The following ANP32B variants were observed in gnomAD, a reference collection of about 807,000 sequenced individuals.
ANP32B encodes acidic nuclear phosphoprotein 32 family member B, also known as acidic leucine-rich nuclear phosphoprotein 32 family member B.
Under a neutral mutation model 32.2 loss-of-function variants are expected in ANP32B, and 6 were observed. The ratio of observed to expected loss-of-function variants is 0.19; its 90% CI spans 0.10 to 0.37. ANP32B has a LOEUF of 0.37. ANP32B is among the 10% of genes least tolerant of loss of function. The probability of loss-of-function intolerance (pLI) is 1.00; values close to 1 mark genes in which losing one functional copy is unlikely to be tolerated. For synonymous variants in ANP32B, 98 were observed against 105.8 expected, an observed-to-expected ratio of 0.93 and a Z score of 0.45; for missense variants, 204 against 289.2, an observed-to-expected ratio of 0.71 and a Z score of 2.14.
chr9:98,013,768 A>G (rs1828228628), intron 6 of ANP32B, among the ~76,000 whole-genome samples: 1 of 152,046 alleles, frequency 6.6e-6, no homozygotes, highest in African/African-American at 2.4e-5. Flanking sequence ...GCGTGGTGGC[A>G]CGCACTCAAA....
At chr9:97,988,291 T>C (rs560188457) in intron 1 of ANP32B, among the ~76,000 whole-genome samples, 10 of 152,358 alleles carry the variant, frequency 6.6e-5, no homozygotes, top group African/African-American at 7.2e-5. Flanking sequence ...GAGCATCTTA[T>C]AATGTGATTT....
intron 1 of ANP32B, among the ~76,000 whole-genome samples, chr9:97,992,779 C>T (rs894765592): frequency 2.6e-5 from 4 of 152,088 alleles, no homozygotes; most frequent in Admixed American, 6.6e-5. Context: ...AAACTTAGTA[C>T]AGATATAAGT....
intron 1 of ANP32B, among the ~76,000 whole-genome samples, chr9:97,990,710 C>A (rs754731125): frequency 1.2e-4 from 18 of 152,020 alleles, no homozygotes; most frequent in Admixed American, 5.9e-4. Context: ...TCACCTACAT[C>A]TGTGTCCATC....
chr9:97,995,507 A>C (rs942412266), intron 2 of ANP32B, among the ~76,000 whole-genome samples: 3 of 152,198 alleles, frequency 2.0e-5, no homozygotes, highest in African/African-American at 7.2e-5. Context: ...AAACTAATCA[A>C]ACTTGGGCAA....
At chr9:97,986,208 G>A (rs1827731248) in intron 1 of ANP32B, among the ~76,000 whole-genome samples, 1 of 152,228 alleles carries the variant, frequency 6.6e-6, no homozygotes, top group South Asian at 2.1e-4. Context: ...CATTTTCTCT[G>A]TAATACTATC....
chr9:97,998,484 T>G, intron 2 of ANP32B, 72 bp from the exon 3 acceptor site: 1 of 1,482,384 alleles, frequency 6.7e-7, no homozygotes. Context: ...TATTTGTTAC[T>G]TACAATACCT....
At position 97,983,610 on chromosome 9, in the gene ANP32B, GTA is replaced by G; in HGVS notation, c.54+2_54+3del. 6.3e-7 allele frequency: 1 copy of G among 1,575,198 alleles called. No individual in the cohort carries two copies. Among genetic ancestry groups the G allele is most frequent in the Non-Finnish European group, 8.6e-7 (1 of 1,161,678 alleles). ...GCTGAGGAACCGGACCCCGGCAGCT[GTA>G]AGCAGAGACCCCTCTGGGTGCCCTC... On this transcript the variant is annotated splice_donor_variant and splice_donor_region_variant and intron_variant, in intron 1 of 6. Coordinates refer to ENST00000339399, the MANE Select transcript of ANP32B (RefSeq NM_006401.3). LOFTEE classifies it high-confidence loss of function.
At chr9:97,990,282 G>C (rs1173810938) in intron 1 of ANP32B, among the ~76,000 whole-genome samples, 1 of 152,166 alleles carries the variant, frequency 6.6e-6, no homozygotes, top group African/African-American at 2.4e-5. Context: ...CACCTCAAAT[G>C]CCACTTTTCT....
At chr9:97,991,772 TA>T (rs1827828728) in intron 1 of ANP32B, among the ~76,000 whole-genome samples, 2 of 152,238 alleles carry the variant, frequency 1.3e-5, no homozygotes, top group South Asian at 4.1e-4. Context: ...ACATTTTAAG[TA>T]AAGATATGGC....
chr9:98,001,801 C>T (rs951353228), intron 3 of ANP32B, among the ~76,000 whole-genome samples: 2 of 152,134 alleles, frequency 1.3e-5, no homozygotes, highest in South Asian at 4.2e-4. Context: ...AGAGGATCTG[C>T]TATACCCATA....
Position 98,012,487 on chromosome 9 carries a change from T to C in ANP32B, c.688+15T>C. The C allele has an allele frequency of 6.2e-7, 1 of 1,609,966 alleles. No homozygotes were observed. Among genetic ancestry groups the C allele is most frequent in the Non-Finnish European group, 8.5e-7 (1 of 1,179,208 alleles). ...TGAGGATGAAGGTGGGCCTAATGCA[T>C]GCATTTTGATCATTCTCAGTTAAAA... On this transcript the variant is annotated intron_variant, in intron 6 of 6. Transcript: ENST00000339399.
At chr9:97,985,610 A>G (rs568066822) in intron 1 of ANP32B, among the ~76,000 whole-genome samples, 1 of 152,322 alleles carries the variant, frequency 6.6e-6, no homozygotes, top group Non-Finnish European at 1.5e-5. Context: ...CCGCAAGAGA[A>G]GTACACACGT....
In ANP32B at chr9:98,015,776, C is replaced by T. The variant is rs1448776696; in HGVS notation, c.*345C>T. On this transcript the variant is annotated 3_prime_UTR_variant, in exon 7 of 7. Transcript: ENST00000339399. ...TGTAACAGCATTTTTACTTTCTGTA[C>T]AACAAAAAAGCTTTGTAAATAAAAT... 8.0e-6 allele frequency: 8 copies of T among 993,972 alleles called. No homozygotes were observed. Among genetic ancestry groups the T allele is most frequent in the Non-Finnish European group, 3.6e-6 (3 of 835,376 alleles). The allele number at this position is 993,972 out of a possible 1,614,324, so 61.6% of individuals were successfully genotyped here.
intron 3 of ANP32B, chr9:98,002,135 A>G (rs887151880): frequency 2.0e-5 from 3 of 152,208 alleles, no homozygotes; most frequent in Non-Finnish European, 4.4e-5. Context: ...AGTTGGGTCC[A>G]TTTTGACTTC....
chr9:97,999,762 G>A (rs964915381), intron 3 of ANP32B, among the ~76,000 whole-genome samples: 1 of 152,196 alleles, frequency 6.6e-6, no homozygotes, highest in Non-Finnish European at 1.5e-5. Context: ...GTAAGTTGTA[G>A]TGGCCAGAAA....
intron 6 of ANP32B, among the ~76,000 whole-genome samples, chr9:98,013,707 T>G (rs1020843157): frequency 1.8e-4 from 28 of 152,074 alleles, no homozygotes; most frequent in African/African-American, 6.5e-4. Flanking sequence ...GAGAGCAGCC[T>G]GGCCAACATG....
chr9:98,007,582 C>T (rs868864104), intron 4 of ANP32B, among the ~76,000 whole-genome samples: 7 of 152,160 alleles, frequency 4.6e-5, no homozygotes, highest in Admixed American at 6.5e-5. Context: ...GTCTTTTGAA[C>T]GATTACATAT....
At chr9:97,995,829 A>G (rs1464281274) in intron 2 of ANP32B, among the ~76,000 whole-genome samples, 4 of 151,890 alleles carry the variant, frequency 2.6e-5, no homozygotes, top group Admixed American at 2.6e-4. Flanking sequence ...AGGCTGAGGC[A>G]CAAGAATTGC....
chr9:97,991,355 TCCTCCCACTTCTG>T (rs1827822958), intron 1 of ANP32B, among the ~76,000 whole-genome samples: 1 of 152,094 alleles, frequency 6.6e-6, no homozygotes, highest in Non-Finnish European at 1.5e-5. Context: ...GCTCAGGTGG[TCCTCCCACTTCTG>T]CCTCCCAAAA....
Sources: gnomAD v4.1 joint callset for allele counts (sites outside exome capture counted in the v4.1 genomes callset) on GRCh38, gnomAD v4.1.1 for gene constraint, MANE v1.5 for transcripts, NCBI Gene and HGNC (gene_info 2026-07-23, HGNC 2026-07-21) for gene names.